The following PDSS2 variants were observed in gnomAD, a reference collection of about 807,000 sequenced individuals.
PDSS2 encodes decaprenyl diphosphate synthase subunit 2, also known as all trans-polyprenyl-diphosphate synthase PDSS2.
In PDSS2, 31 loss-of-function variants were observed where a neutral mutation model predicts 44.5. The observed-to-expected ratio is 0.70, with a 90% CI of 0.52 to 0.94. PDSS2 has a LOEUF of 0.94. PDSS2 is among the 40% of genes least tolerant of loss of function. PDSS2 has a pLI of 0.00. For synonymous variants in PDSS2, 157 were observed against 180.3 expected, an observed-to-expected ratio of 0.87 and a Z score of 1.03; for missense variants, 452 against 482.2, an observed-to-expected ratio of 0.94 and a Z score of 0.59.
chr6:107,185,882 G>C (rs1266742178), intron 7 of PDSS2, among the ~76,000 whole-genome samples: 2 of 152,172 alleles, frequency 1.3e-5, no homozygotes, highest in African/African-American at 4.8e-5. Context: ...AGGGCTGCAG[G>C]ACAGTCACTG....
chr6:107,196,352 G>C (rs9486559), intron 6 of PDSS2, among the ~76,000 whole-genome samples: 4,148 of 152,218 alleles, frequency 0.027, 198 homozygotes, highest in African/African-American at 0.094. Context: ...TTGATCTTAC[G>C]AATAATCCAC....
intron 2 of PDSS2, among the ~76,000 whole-genome samples, chr6:107,328,468 G>T (rs1777616753): frequency 1.3e-5 from 2 of 152,042 alleles, no homozygotes; most frequent in South Asian, 4.1e-4. Flanking sequence ...TAGAGATGGG[G>T]TTTCACCACG....
At chr6:107,275,397 A>G (rs1775745309) in intron 2 of PDSS2, among the ~76,000 whole-genome samples, 2 of 152,106 alleles carry the variant, frequency 1.3e-5, no homozygotes, top group African/African-American at 4.8e-5. Context: ...ATCTGTTGGT[A>G]TCTGCTACAA....
intron 2 of PDSS2, among the ~76,000 whole-genome samples, chr6:107,284,904 G>A (rs7756152): frequency 0.18 from 27,928 of 152,068 alleles, 2,773 homozygotes; most frequent in African/African-American, 0.22. Flanking sequence ...CAATTAACAG[G>A]TTAATAAACA....
chr6:107,245,720 T>C, intron 3 of PDSS2, 101 bp from the exon 4 acceptor site: 1 of 709,146 alleles, frequency 1.4e-6, no homozygotes. Flanking sequence ...AGAATTTTTC[T>C]GTGCTTGACA....
intron 4 of PDSS2, among the ~76,000 whole-genome samples, chr6:107,217,973 T>C (rs576651723): frequency 6.6e-6 from 1 of 152,346 alleles, no homozygotes; most frequent in South Asian, 2.1e-4. Context: ...ACTCTAAGAC[T>C]AATTTTATCC....
At chr6:107,452,288 A>C (rs1781892929) in intron 1 of PDSS2, among the ~76,000 whole-genome samples, 2 of 150,680 alleles carry the variant, frequency 1.3e-5, no homozygotes, top group African/African-American at 4.9e-5. Context: ...CCCAGGCTGG[A>C]GTGCAGTGCC....
At chr6:107,230,080 G>T (rs1180936778) in intron 4 of PDSS2, 2 of 171,050 alleles carry the variant, frequency 1.2e-5, no homozygotes, top group South Asian at 1.4e-4. Flanking sequence ...CAAAAAAACT[G>T]AGCAAGAACA....
chr6:107,230,741 C>A (rs1339011935), intron 4 of PDSS2, among the ~76,000 whole-genome samples: 2 of 151,924 alleles, frequency 1.3e-5, no homozygotes, highest in African/African-American at 4.8e-5. Context: ...AGCAAGTGAG[C>A]CCAGAGTTAA....
At chr6:107,217,351 A>T (rs377042839) in intron 4 of PDSS2, among the ~76,000 whole-genome samples, 1 of 152,170 alleles carries the variant, frequency 6.6e-6, no homozygotes, top group East Asian at 1.9e-4. Context: ...TAATCATAGT[A>T]GTCCTTATAA....
At chr6:107,273,564 G>A (rs1775674929) in intron 3 of PDSS2, among the ~76,000 whole-genome samples, 1 of 151,884 alleles carries the variant, frequency 6.6e-6, no homozygotes, top group Non-Finnish European at 1.5e-5. Flanking sequence ...GAAGATGCTC[G>A]CATCATAATA....
intron 1 of PDSS2, among the ~76,000 whole-genome samples, chr6:107,415,012 T>G (rs918130924): frequency 1.3e-5 from 2 of 152,204 alleles, no homozygotes; most frequent in Non-Finnish European, 2.9e-5. Flanking sequence ...GAGGCTTAGA[T>G]GTAATCTAGT....
intron 7 of PDSS2, among the ~76,000 whole-genome samples, chr6:107,175,452 A>G (rs1015451494): frequency 5.3e-5 from 8 of 152,140 alleles, no homozygotes; most frequent in Non-Finnish European, 8.8e-5. Flanking sequence ...TCTTAAACAA[A>G]CCAGAAAGCA....
At chr6:107,374,114 C>T (rs1029906065) in intron 1 of PDSS2, among the ~76,000 whole-genome samples, 10 of 152,024 alleles carry the variant, frequency 6.6e-5, no homozygotes, top group East Asian at 5.8e-4. Context: ...ATTAACCTGC[C>T]GTGGTGGCGC....
intron 3 of PDSS2, among the ~76,000 whole-genome samples, chr6:107,269,002 C>A (rs1037373165): frequency 1.3e-5 from 2 of 150,360 alleles, no homozygotes; most frequent in African/African-American, 4.9e-5. Flanking sequence ...TGCAGTGGTG[C>A]GATCTCGGCT....
chr6:107,214,702 G>A (rs901663288), intron 4 of PDSS2, among the ~76,000 whole-genome samples: 1 of 152,104 alleles, frequency 6.6e-6, no homozygotes, highest in Non-Finnish European at 1.5e-5. Flanking sequence ...TCACCAAAAG[G>A]TCAGCTGAAA....
In PDSS2 at chr6:107,360,608, G is replaced by A. The variant is rs140249007; in HGVS notation, c.297-26276C>T. On this transcript the variant is annotated intron_variant, in intron 1 of 7. Coordinates refer to ENST00000369037, the MANE Select transcript of PDSS2 (RefSeq NM_020381.4). Reference sequence around the variant, plus strand: ...AACATCTGGATAACTGATGAATTTCGAAATCATAATCACTAAGAGGACAGT... The same window carrying A: ...AACATCTGGATAACTGATGAATTTCAAAATCATAATCACTAAGAGGACAGT... 3.5e-4 allele frequency among the ~76,000 whole-genome samples: 54 copies of A among 152,230 alleles called. 1 individual carries two copies. The East Asian group carries it at 4.0e-3, about 11-fold the overall frequency.
intron 2 of PDSS2, among the ~76,000 whole-genome samples, chr6:107,301,966 C>A (rs1776711403): frequency 6.9e-6 from 1 of 145,470 alleles, no homozygotes; most frequent in South Asian, 2.2e-4. Flanking sequence ...GGTAATGACT[C>A]TATATGGGCT....
intron 4 of PDSS2, among the ~76,000 whole-genome samples, chr6:107,229,597 C>T (rs72939813): frequency 0.11 from 15,988 of 152,180 alleles, 1,229 homozygotes; most frequent in Non-Finnish European, 0.16. Context: ...TCTTTCTAGT[C>T]GACGTCCCCT....
Sources: allele counts gnomAD v4.1 joint callset (sites outside exome capture counted in the v4.1 genomes callset), GRCh38; gene constraint gnomAD v4.1.1; transcripts MANE v1.5; gene names NCBI Gene and HGNC (gene_info 2026-07-23, HGNC 2026-07-21).